The following TTF2 variants were observed in gnomAD, a reference collection of about 807,000 sequenced individuals.
The protein encoded by TTF2 is transcription termination factor 2.
Under a neutral mutation model 142.4 loss-of-function variants are expected in TTF2, and 108 were observed. The observed-to-expected ratio is 0.76, with a 90% confidence interval of 0.65 to 0.89. TTF2 has a LOEUF of 0.89. TTF2 is among the 40% of genes least tolerant of loss of function. The pLI, the probability that TTF2 is intolerant of heterozygous loss-of-function variation, is 0.00. For missense variants in TTF2, 1,327 were observed against 1,379.8 expected (o/e 0.96, Z 0.61); for synonymous variants, 483 against 506.2 (o/e 0.95, Z 0.61).
chr1:117,089,073 C>A, intron 13 of TTF2, 91 bp downstream of exon 13: 1 of 1,355,910 alleles, frequency 7.4e-7, no homozygotes, highest in Non-Finnish European at 9.9e-7. Flanking sequence ...TTAGTATGTG[C>A]CAGATTATCT....
intron 4 of TTF2, among the ~76,000 whole-genome samples, chr1:117,074,017 AACTC>A (rs757398648): frequency 4.6e-5 from 7 of 152,212 alleles, no homozygotes; most frequent in Non-Finnish European, 8.8e-5. Flanking sequence ...TTCCTTGACT[AACTC>A]TTGTATCTTT....
intron 20 of TTF2, among the ~76,000 whole-genome samples, 172 bp downstream of exon 20, chr1:117,096,471 G>A (rs914348815): frequency 6.6e-6 from 1 of 152,174 alleles, no homozygotes; most frequent in African/African-American, 2.4e-5. Flanking sequence ...TCCGCCTCCC[G>A]GGTTCAAGCG....
In TTF2 at chr1:117,101,426, GA is replaced by G. The variant is rs1557835640; in HGVS notation, c.3398del (p.Lys1133ArgfsTer47). 6.2e-7 allele frequency: 1 copy of G among 1,608,478 alleles called. No individual in the cohort carries two copies. The highest frequency in any genetic ancestry group is 8.5e-7 in the Non-Finnish European group (1 of 1,178,736). On this transcript the variant is annotated frameshift_variant, in exon 23 of 23. Coordinates refer to ENST00000369466, the MANE Select transcript of TTF2 (RefSeq NM_003594.4). LOFTEE classifies it high-confidence loss of function. This position sits in a 1 kb window ranked among gnomAD's most constrained non-coding sequence, Gnocchi z 5.9. Reference protein sequence around the residue: ...TVEEKILQLQEKKKDLAKQVL... With the variant: ...TVEEKILQLQXKKKDLAKQVL... ...AGAAGAAAAGATCTTACAGCTCCAAGAAAAAAAGAAAGATTTGGCCAAACAA... is the reference window on the plus strand; with the variant it reads ...AGAAGAAAAGATCTTACAGCTCCAAGAAAAAAGAAAGATTTGGCCAAACAA...
intron 2 of TTF2, 116 bp from the exon 3 acceptor site, chr1:117,062,271 C>G: frequency 1.2e-6 from 1 of 867,562 alleles, no homozygotes. Context: ...AATTACAAAC[C>G]CAGTAGAGGT....
In TTF2 at chr1:117,103,303, C is replaced by T. The variant is rs537579603; in HGVS notation, c.*1779C>T. ...GCTACTGAGATTTCTGTGTTGTTTA[C>T]ATAGCAGTTTGTACCCTAAACAAAC... On this transcript the variant is annotated 3_prime_UTR_variant, in exon 23 of 23. Coordinates refer to ENST00000369466, the MANE Select transcript of TTF2 (RefSeq NM_003594.4). The T allele has an allele frequency of 6.6e-6, 1 of 152,222 alleles. No homozygotes were observed. Among genetic ancestry groups the T allele is most frequent in the East Asian group, 1.9e-4 (1 of 5,176 alleles). 9.4% of individuals were successfully genotyped at this position (152,222 alleles called of 1,614,324 possible). A position where few individuals can be genotyped will look rare whatever the true frequency, so the allele number is the denominator to read the frequency against.
At position 117,060,367 on chromosome 1, in the gene TTF2, A is replaced by G. The variant is rs754898774; in HGVS notation, c.21A>G (p.Pro7=). The change falls in exon 1 of 23, where the codon CCA becomes CCG. Residue 7 remains proline (P), a synonymous_variant. Transcript: ENST00000369466. MEEVRC[P]EHGTFCFLKT... is the part of the protein sequence containing the mutation. ...GCGAAATGGAAGAAGTTAGGTGTCC[A>G]GAGCACGGTAAGGGGCTAGGGTCTC... is the stretch of plus-strand genomic sequence containing the variant. 6.2e-7 allele frequency: 1 copy of G among 1,605,322 alleles called. No individual in the cohort carries two copies. The highest frequency in any genetic ancestry group is 8.5e-7 in the Non-Finnish European group (1 of 1,175,542).
intron 12 of TTF2, 60 bp from the exon 13 acceptor site, chr1:117,088,741 T>G: frequency 6.4e-7 from 1 of 1,558,080 alleles, no homozygotes; most frequent in Non-Finnish European, 8.7e-7. Context: ...TCCCCTTGTG[T>G]CCTTAAGGAC....
Position 117,081,785 on chromosome 1 carries a change from G to T in TTF2, c.1784-43G>T. 1 of 1,599,238 alleles carries T rather than the reference G, an allele frequency of 6.3e-7. No homozygotes were observed. The highest frequency in any genetic ancestry group is 2.2e-5 in the East Asian group (1 of 44,724). On this transcript the variant is annotated intron_variant, in intron 9 of 22. Coordinates refer to ENST00000369466, the MANE Select transcript of TTF2 (RefSeq NM_003594.4). ...CCTCTTGAACTAGGGTTGATTATTTGCCCTAAGCAATTAACTCTCTTAATT... is the reference window on the plus strand; with the variant it reads ...CCTCTTGAACTAGGGTTGATTATTTTCCCTAAGCAATTAACTCTCTTAATT...
chr1:117,082,247 T>C (rs535231061), intron 10 of TTF2, among the ~76,000 whole-genome samples: 5 of 152,350 alleles, frequency 3.3e-5, no homozygotes, highest in Admixed American at 3.3e-4. Context: ...AGGGTCTCGC[T>C]CTGTTGCTCA....
rs1264955833 is a variant in TTF2, at chr1:117,079,374, C to G, written c.1702-194C>G. 6.6e-6 allele frequency among the ~76,000 whole-genome samples: 1 copy of G among 152,152 alleles called. No individual in the cohort carries two copies. The highest frequency in any genetic ancestry group is 2.4e-5 in the African/African-American group (1 of 41,426). ...AACATTAGATGCAACCCAAAACAAA[C>G]AGGGGCAGACCAGGACAGTATGGTT... On this transcript the variant is annotated intron_variant, in intron 8 of 22. Transcript: ENST00000369466. The surrounding 1 kb of genome is among the most constrained non-coding windows in gnomAD (Gnocchi z 4.2).
chr1:117,084,412 G>A (rs767105044), intron 11 of TTF2, among the ~76,000 whole-genome samples: 3 of 152,190 alleles, frequency 2.0e-5, no homozygotes, highest in East Asian at 1.9e-4. Flanking sequence ...CTGAGATGCC[G>A]GAGCTGCCAT....
chr1:117,075,402 G>C lies in TTF2; in HGVS notation c.818G>C (p.Ser273Thr), dbSNP rs17036832. ...PQNVHSHNSI[S>T]KPQKGGPLNK... ...AATGTTCACAGTCACAACTCAATAAGCAAGCCCCAGAAAGGGGGACCCCTC... is the reference window on the plus strand; with the variant it reads ...AATGTTCACAGTCACAACTCAATAACCAAGCCCCAGAAAGGGGGACCCCTC... Residue 273 changes from serine to threonine, a missense_variant, in exon 5 of 23, where the codon AGC (serine) becomes ACC (threonine). Transcript: ENST00000369466. The surrounding 1 kb of genome is among the most constrained non-coding windows in gnomAD (Gnocchi z 4.5). 6,396 of 1,614,174 alleles carry C rather than the reference G, an allele frequency of 4.0e-3. 167 individuals are homozygous for C. In the African/African-American group the frequency reaches 0.065, roughly 16 times the overall value.
rs1303286663 is a variant in TTF2 at position 117,076,196 on chromosome 1, T to C, written c.1292T>C (p.Val431Ala). The part of the protein sequence containing the change: ...LKQKKSTLAS[V>A]NIQALPDKGQ... ...GTTTTTCAGAGCACACTGGCATCAGTGAACATCCAGGCTCTTCCAGACAAG... is the reference window on the plus strand; with the variant it reads ...GTTTTTCAGAGCACACTGGCATCAGCGAACATCCAGGCTCTTCCAGACAAG... Residue 431 changes from valine to alanine, a missense_variant, in exon 6 of 23, where the codon GTG becomes GCG. Transcript: ENST00000369466. This position sits in a 1 kb window ranked among gnomAD's most constrained non-coding sequence, Gnocchi z 4.6. 1 of 1,613,924 alleles carries C rather than the reference T, an allele frequency of 6.2e-7. No homozygotes were observed. The highest frequency in any genetic ancestry group is 8.5e-7 in the Non-Finnish European group (1 of 1,179,848).
Position 117,094,447 on chromosome 1 carries a change from C to A in TTF2, c.2977-862C>A, listed in dbSNP as rs1247360587. 1.3e-5 allele frequency among the ~76,000 whole-genome samples: 2 copies of A among 152,118 alleles called. 1 individual carries two copies. Among genetic ancestry groups the A allele is most frequent in the East Asian group, 3.9e-4 (2 of 5,168 alleles). ...GGGAAGAATGAGCCCAGCTGCACTC[C>A]AAAGTCATGCCCCACGTGTTCTTAC... On this transcript the variant is annotated intron_variant, in intron 18 of 22. Transcript: ENST00000369466.
rs949640728 is a variant in TTF2 at position 117,076,265 on chromosome 1, T to C, written c.1361T>C (p.Leu454Pro). The change falls in exon 6 of 23, where the codon CTC becomes CCC. Residue 454 changes from leucine (L) to proline (P), a missense_variant. Coordinates refer to ENST00000369466, the MANE Select transcript of TTF2 (RefSeq NM_003594.4). This position sits in a 1 kb window ranked among gnomAD's most constrained non-coding sequence, Gnocchi z 4.6. ...IKQIQELEEV[L>P]SGLTLSPEQG... ...CAAATCCAGGAGCTGGAGGAAGTAC[T>C]CAGTGGTCTTACCCTTTCCCCAGAG... 1.2e-6 allele frequency: 2 copies of C among 1,613,970 alleles called. No homozygotes were observed. The highest frequency in any genetic ancestry group is 1.7e-5 in the Admixed American group (1 of 60,022).
intron 3 of TTF2, among the ~76,000 whole-genome samples, chr1:117,069,600 T>A (rs930005832): frequency 2.0e-5 from 3 of 152,220 alleles, no homozygotes; most frequent in African/African-American, 7.2e-5. Context: ...CATGACCGTA[T>A]GAGGTATGGA....
Position 117,085,417 on chromosome 1 carries a change from G to C in TTF2, c.2055-1000G>C, listed in dbSNP as rs1267730191. Among the ~76,000 whole-genome samples, 2 of 152,116 alleles carry C rather than the reference G, an allele frequency of 1.3e-5. No homozygotes were observed. Among genetic ancestry groups the C allele is most frequent in the African/African-American group, 4.8e-5 (2 of 41,404 alleles). On this transcript the variant is annotated intron_variant, in intron 11 of 22. Coordinates refer to ENST00000369466, the MANE Select transcript of TTF2 (RefSeq NM_003594.4). The surrounding 1 kb of genome is among the most constrained non-coding windows in gnomAD (Gnocchi z 4.7). ...AAAATACAAAAATTAGCTGGGTGTG[G>C]TGGTGTGCACTTGTAGTGCCATTTA... is the stretch of plus-strand genomic sequence containing the variant.
Position 117,076,120 on chromosome 1 carries a change from T to C in TTF2, c.1276-60T>C, listed in dbSNP as rs1557810590. 10 of 1,504,860 alleles carry C rather than the reference T, an allele frequency of 6.6e-6. No individual in the cohort carries two copies. The highest frequency in any genetic ancestry group is 2.4e-5 in the South Asian group (2 of 84,956). The allele number at this position is 1,504,860 out of a possible 1,614,324, so 93.2% of individuals were successfully genotyped here. ...TTGGGTGTTTCAGGCTATTTTAATC[T>C]GAAACTATTCATCTAACAGTGTGAG... On this transcript the variant is annotated intron_variant, in intron 5 of 22. Transcript: ENST00000369466. This position sits in a 1 kb window ranked among gnomAD's most constrained non-coding sequence, Gnocchi z 4.6.
Position 117,087,828 on chromosome 1 carries a change from C to T in TTF2, c.2161-973C>T, listed in dbSNP as rs576729333. 6.6e-6 allele frequency among the ~76,000 whole-genome samples: 1 copy of T among 152,170 alleles called. No individual in the cohort carries two copies. The highest frequency in any genetic ancestry group is 1.9e-4 in the East Asian group (1 of 5,192). On this transcript the variant is annotated intron_variant, in intron 12 of 22. Transcript: ENST00000369466. The surrounding 1 kb of genome is among the most constrained non-coding windows in gnomAD (Gnocchi z 4.8). The stretch of plus-strand genomic sequence containing the variant: ...GAATCTTTTCTGGACCACTCCCTTC[C>T]CACCTTCCCCCGGTTTGGTTGAATG...
Sources: gnomAD v4.1 joint callset for allele counts (sites outside exome capture counted in the v4.1 genomes callset) on GRCh38, gnomAD v4.1.1 for gene constraint, Gnocchi (gnomAD v3.1) non-coding constraint, MANE v1.5 for transcripts, NCBI Gene and HGNC (gene_info 2026-07-23, HGNC 2026-07-21) for gene names.